NECAP2: variants seen among roughly 807,000 people sequenced by gnomAD.
NECAP2 encodes adaptin ear-binding coat-associated protein 2.
A neutral mutation model predicts 37.8 loss-of-function variants in NECAP2; 38 were observed. That is an observed-to-expected ratio of 1.01 (90% CI 0.78 to 1.32). NECAP2 has a LOEUF of 1.32. NECAP2 is among the 40% of genes most tolerant of loss of function. The probability of loss-of-function intolerance (pLI) is 0.00; values close to 1 mark genes in which losing one functional copy is unlikely to be tolerated. For missense variants in NECAP2, 316 were observed against 334.5 expected, an observed-to-expected ratio of 0.94 and a Z score of 0.43; for synonymous variants, 121 against 127.7, an observed-to-expected ratio of 0.95 and a Z score of 0.35.
intron 2 of NECAP2, among the ~76,000 whole-genome samples, chr1:16,445,494 AACT>A (rs1357864868): frequency 6.6e-6 from 1 of 152,320 alleles, no homozygotes; most frequent in East Asian, 1.9e-4. Flanking sequence ...CCTGATTGAG[AACT>A]ACTGCTGTAG....
chr1:16,455,803 C>T lies in NECAP2; in HGVS notation c.668-15C>T, dbSNP rs780960300. The stretch of plus-strand genomic sequence containing the variant: ...CTCTTCTCTTCCTACGGGTCGGACT[C>T]GGGAACATCAATAGGAGGTGCTCCT... On this transcript the variant is annotated splice_polypyrimidine_tract_variant and intron_variant, in intron 6 of 7. Coordinates refer to ENST00000337132, the MANE Select transcript of NECAP2 (RefSeq NM_018090.5). 2.3e-5 allele frequency: 37 copies of T among 1,610,748 alleles called. No individual in the cohort carries two copies. The highest frequency in any genetic ancestry group is 1.3e-4 in the Admixed American group (8 of 59,994).
intron 2 of NECAP2, among the ~76,000 whole-genome samples, chr1:16,444,587 T>C (rs991598602): frequency 2.6e-5 from 4 of 152,112 alleles, no homozygotes; most frequent in African/African-American, 9.7e-5. Context: ...ATAAGATTGT[T>C]GGAGAATAGG....
intron 2 of NECAP2, among the ~76,000 whole-genome samples, chr1:16,446,252 G>A (rs1448163331): frequency 6.6e-6 from 1 of 152,168 alleles, no homozygotes; most frequent in East Asian, 1.9e-4. Flanking sequence ...ACAGGATTCA[G>A]TAGAAGATAT....
chr1:16,445,244 T>TA lies in NECAP2; in HGVS notation c.193+1513dup, dbSNP rs1233280546. On this transcript the variant is annotated intron_variant, in intron 2 of 7. Coordinates refer to ENST00000337132, the MANE Select transcript of NECAP2 (RefSeq NM_018090.5). ...TCATGCCTGGGTCATGTTAGACTCTTACTTTCCCATGAGGTAATGAGCATA... is the reference window on the plus strand; with the variant it reads ...TCATGCCTGGGTCATGTTAGACTCTTAACTTTCCCATGAGGTAATGAGCATA... Among the ~76,000 whole-genome samples the TA allele has an allele frequency of 2.0e-5, 3 of 152,194 alleles. No homozygotes were observed. In the East Asian group the frequency reaches 5.8e-4, roughly 29 times the overall value.
At chr1:16,450,049 A>G in intron 5 of NECAP2, 1 of 384,376 alleles carries the variant, frequency 2.6e-6, no homozygotes, top group Non-Finnish European at 5.2e-6. Context: ...GTAACTCTAA[A>G]ATAATGCTTT....
intron 1 of NECAP2, among the ~76,000 whole-genome samples, chr1:16,443,346 C>G (rs60591666): frequency 0.031 from 4,670 of 152,310 alleles, 105 homozygotes; most frequent in Non-Finnish European, 0.041. Flanking sequence ...TTTCAGATTT[C>G]AGTGTCTACA....
rs868657973 is a variant in NECAP2, at chr1:16,454,126, C to A, written c.668-1692C>A. On this transcript the variant is annotated intron_variant, in intron 6 of 7. Coordinates refer to ENST00000337132, the MANE Select transcript of NECAP2 (RefSeq NM_018090.5). Reference sequence around the variant, plus strand: ...CCAGGCTGGAGTGTGATGGCGCAATCTCGGCTTACCACAACCTCTGCTTCC... The same window carrying A: ...CCAGGCTGGAGTGTGATGGCGCAATATCGGCTTACCACAACCTCTGCTTCC... Among the ~76,000 whole-genome samples the A allele has an allele frequency of 2.6e-4, 40 of 152,032 alleles. 1 individual carries two copies. Among genetic ancestry groups the A allele is most frequent in the Admixed American group, 1.9e-3 (29 of 15,268 alleles).
intron 5 of NECAP2, 141 bp from the exon 6 acceptor site, chr1:16,451,697 A>G: frequency 1.3e-6 from 1 of 761,668 alleles, no homozygotes; most frequent in South Asian, 1.6e-5. Context: ...AGCTCATAGC[A>G]ATGGAGGTGC....
At chr1:16,457,713 T>G (rs1007371525) in intron 7 of NECAP2, among the ~76,000 whole-genome samples, 2 of 148,898 alleles carry the variant, frequency 1.3e-5, no homozygotes, top group Non-Finnish European at 3.0e-5. Flanking sequence ...TTCTGTTTTT[T>G]TTTTTTTTTT....
chr1:16,446,547 G>C (rs2086765795), intron 2 of NECAP2, among the ~76,000 whole-genome samples: 1 of 152,012 alleles, frequency 6.6e-6, no homozygotes, highest in Non-Finnish European at 1.5e-5. Context: ...GGGCAACAGA[G>C]CATGACCCTG....
chr1:16,444,783 A>C (rs1348276256), intron 2 of NECAP2, among the ~76,000 whole-genome samples: 1 of 152,020 alleles, frequency 6.6e-6, no homozygotes, highest in Non-Finnish European at 1.5e-5. Context: ...GAATGGTAAC[A>C]CCTCGTTCTC....
chr1:16,450,248 GT>G (rs35074812), intron 5 of NECAP2: 70 of 356,674 alleles, frequency 2.0e-4, no homozygotes, highest in African/African-American at 5.4e-4. Flanking sequence ...CCAGGTAGTG[GT>G]TTTTTTTTGT....
At chr1:16,458,030 A>G (rs1484501437) in intron 7 of NECAP2, among the ~76,000 whole-genome samples, 1 of 152,102 alleles carries the variant, frequency 6.6e-6, no homozygotes, top group Non-Finnish European at 1.5e-5. Flanking sequence ...GTAATTATTG[A>G]TTACTGAAAA....
At chr1:16,444,229 C>T (rs1392528361) in intron 2 of NECAP2, among the ~76,000 whole-genome samples, 1 of 152,178 alleles carries the variant, frequency 6.6e-6, no homozygotes, top group African/African-American at 2.4e-5. Flanking sequence ...TTGGGGTCAG[C>T]TGGCAGAGAT....
At chr1:16,453,434 T>G (rs764707094) in intron 6 of NECAP2, among the ~76,000 whole-genome samples, 63 of 151,996 alleles carry the variant, frequency 4.1e-4, no homozygotes, top group Admixed American at 4.0e-3. Flanking sequence ...GTTTGTGTGT[T>G]GACTAAAGTC....
intron 6 of NECAP2, among the ~76,000 whole-genome samples, chr1:16,454,028 T>G (rs969276771): frequency 6.6e-6 from 1 of 152,206 alleles, no homozygotes; most frequent in Non-Finnish European, 1.5e-5. Context: ...AAATTTCAGC[T>G]TACTAGCTTT....
rs2086849246 is a variant in NECAP2, at chr1:16,451,926, G to C, written c.578G>C (p.Gly193Ala). Residue 193 changes from glycine to alanine, a missense_variant, in exon 6 of 8, where the codon GGG becomes GCG. This residue lies in a region of NECAP2 where 204 missense variants were observed against 188.6 expected (regional missense o/e 1.08). Coordinates refer to ENST00000337132, the MANE Select transcript of NECAP2 (RefSeq NM_018090.5). ...CTGAGCCTGCTTCCCCCTCCCCCAG[G>C]GGGGAAAACCTCCACCCTGATCCCT... ...GGLSLLPPPP[G>A]GKTSTLIPPP... 2 of 1,613,870 alleles carry C rather than the reference G, an allele frequency of 1.2e-6. No homozygotes were observed. The highest frequency in any genetic ancestry group is 1.7e-5 in the Admixed American group (1 of 59,986).
chr1:16,459,622 A>G lies in NECAP2; in HGVS notation c.*732A>G, dbSNP rs1027282259. 6.6e-6 allele frequency: 1 copy of G among 152,162 alleles called. No homozygotes were observed. Among genetic ancestry groups the G allele is most frequent in the African/African-American group, 2.4e-5 (1 of 41,400 alleles). 9.4% of individuals were successfully genotyped at this position (152,162 alleles called of 1,614,324 possible). ...CTGGCCAGTTGTCTGGTTTCCATGT[A>G]TTCTAGGCCAGGTAGGCAACACAGA... On this transcript the variant is annotated 3_prime_UTR_variant, in exon 8 of 8. Coordinates refer to ENST00000337132, the MANE Select transcript of NECAP2 (RefSeq NM_018090.5).
At chr1:16,457,711 T>G (rs1435976501) in intron 7 of NECAP2, among the ~76,000 whole-genome samples, 2 of 148,324 alleles carry the variant, frequency 1.3e-5, no homozygotes, top group Non-Finnish European at 3.0e-5. Context: ...AATTCTGTTT[T>G]TTTTTTTTTT....
Sources: allele counts gnomAD v4.1 joint callset (sites outside exome capture counted in the v4.1 genomes callset), GRCh38; gene constraint gnomAD v4.1.1; regional missense constraint gnomAD v4.1.1; transcripts MANE v1.5; gene names NCBI Gene and HGNC (gene_info 2026-07-23, HGNC 2026-07-21).